BANP: variants seen among roughly 807,000 people sequenced by gnomAD.
The protein encoded by BANP is protein BANP.
In BANP, 11 loss-of-function variants were observed where a neutral mutation model predicts 68.1. The observed-to-expected ratio is 0.16, with a 90% CI of 0.10 to 0.27. The LOEUF (loss-of-function observed/expected upper bound fraction) is 0.27, where lower values mean the gene tolerates loss of function less well. Ranked by LOEUF, BANP falls within the 10% of genes least tolerant of loss-of-function variation. The pLI, the probability that BANP is intolerant of heterozygous loss-of-function variation, is 1.00. For synonymous variants in BANP, 329 were observed against 303.2 expected, an observed-to-expected ratio of 1.09 and a Z score of -0.88; for missense variants, 504 against 722.7, an observed-to-expected ratio of 0.70 and a Z score of 3.47.
chr16:88,056,231 T>G (rs201404945), intron 11 of BANP, among the ~76,000 whole-genome samples: 2 of 152,218 alleles, frequency 1.3e-5, no homozygotes, highest in East Asian at 3.9e-4. Context: ...CTCCAAGGAC[T>G]CTCTGCTTCT....
intron 1 of BANP, among the ~76,000 whole-genome samples, chr16:87,973,768 A>AGAAGAAAG (rs1555544111): frequency 9.5e-6 from 1 of 104,934 alleles, no homozygotes; most frequent in African/African-American, 3.1e-5. Flanking sequence ...AAAAAAAAAA[A>AGAAGAAAG]AAAAAAGAAA....
At position 88,065,299 on chromosome 16, in the gene BANP, G is replaced by A. The variant is rs764593453; in HGVS notation, c.1344G>A (p.Leu448=). 1 of 769,124 alleles carries A rather than the reference G, an allele frequency of 1.3e-6. No homozygotes were observed. Among genetic ancestry groups the A allele is most frequent in the East Asian group, 2.4e-5 (1 of 41,146 alleles). 47.6% of individuals were successfully genotyped at this position (769,124 alleles called of 1,614,324 possible). A position where few individuals can be genotyped will look rare whatever the true frequency, so the allele number is the denominator to read the frequency against. Residue 448 remains leucine (L), a synonymous_variant, in exon 12 of 14, where the codon CTG becomes CTA. Transcript: ENST00000682872. ...LLEATRIPCL[L]APSVFKASSG... ...AGGCCACCCGCATCCCCTGCCTCCTGGCCCCATCCGTCTTCAAAGCCAGCA... is the reference window on the plus strand; with the variant it reads ...AGGCCACCCGCATCCCCTGCCTCCTAGCCCCATCCGTCTTCAAAGCCAGCA...
chr16:88,003,141 C>G lies in BANP; in HGVS notation c.363-1154C>G, dbSNP rs939172886. Among the ~76,000 whole-genome samples, 6 of 152,328 alleles carry G rather than the reference C, an allele frequency of 3.9e-5. No individual in the cohort carries two copies. Among genetic ancestry groups the G allele is most frequent in the African/African-American group, 1.4e-4 (6 of 41,572 alleles). On this transcript the variant is annotated intron_variant, in intron 4 of 13. Transcript: ENST00000682872. This position sits in a 1 kb window ranked among gnomAD's most constrained non-coding sequence, Gnocchi z 6.1. Reference sequence around the variant, plus strand: ...ACCTGGGTTACTTTCCATACCTGACCTATAGGTCATTTGTCAGGTTTTGCT... The same window carrying G: ...ACCTGGGTTACTTTCCATACCTGACGTATAGGTCATTTGTCAGGTTTTGCT...
chr16:88,032,192 T>C (rs1301423350), intron 8 of BANP, among the ~76,000 whole-genome samples: 4 of 152,046 alleles, frequency 2.6e-5, no homozygotes, highest in Non-Finnish European at 5.9e-5. Flanking sequence ...CAGAATTTCA[T>C]CTTACTGCTT....
intron 2 of BANP, among the ~76,000 whole-genome samples, chr16:87,979,750 G>T (rs574854949): frequency 6.6e-6 from 1 of 152,154 alleles, no homozygotes; most frequent in African/African-American, 2.4e-5. Context: ...ATGTATGCAC[G>T]TATATAATAT....
At chr16:87,979,394 T>C (rs2062831431) in intron 2 of BANP, among the ~76,000 whole-genome samples, 1 of 152,164 alleles carries the variant, frequency 6.6e-6, no homozygotes, top group African/African-American at 2.4e-5. Context: ...GGGTGGGTGC[T>C]GTGACCTTGT....
intron 4 of BANP, among the ~76,000 whole-genome samples, chr16:87,994,466 A>G (rs1449905257): frequency 2.0e-5 from 3 of 152,196 alleles, no homozygotes; most frequent in Admixed American, 6.5e-5. Flanking sequence ...TTTGTTTAGC[A>G]ACGAGGTTTT....
At position 88,002,592 on chromosome 16, in the gene BANP, G is replaced by A. The variant is rs1009412796; in HGVS notation, c.363-1703G>A. 1.3e-5 allele frequency among the ~76,000 whole-genome samples: 2 copies of A among 152,158 alleles called. No individual in the cohort carries two copies. The highest frequency in any genetic ancestry group is 2.9e-5 in the Non-Finnish European group (2 of 68,032). On this transcript the variant is annotated intron_variant, in intron 4 of 13. Coordinates refer to ENST00000682872, the MANE Select transcript of BANP (RefSeq NM_001386991.1). This position sits in a 1 kb window ranked among gnomAD's most constrained non-coding sequence, Gnocchi z 4.6. ...TGGAAGGTGGGGATCTGGAGACTGC[G>A]TTGCTGAGAGCTGTTTGCATCCATG...
At chr16:87,996,959 C>T (rs1367367471) in intron 4 of BANP, among the ~76,000 whole-genome samples, 1 of 152,168 alleles carries the variant, frequency 6.6e-6, no homozygotes, top group Admixed American at 6.5e-5. Flanking sequence ...TTCACATGTG[C>T]TCCATTTTGT....
intron 7 of BANP, among the ~76,000 whole-genome samples, chr16:88,022,877 C>T (rs1477852631): frequency 1.3e-5 from 2 of 152,206 alleles, no homozygotes; most frequent in East Asian, 1.9e-4. Flanking sequence ...GCTCCCTCTC[C>T]TGCAGGATGA....
intron 2 of BANP, among the ~76,000 whole-genome samples, chr16:87,977,094 C>G (rs1478359547): frequency 1.3e-5 from 2 of 152,030 alleles, no homozygotes; most frequent in African/African-American, 4.8e-5. Context: ...TGCCTAAGAA[C>G]TGCGATTTCT....
intron 1 of BANP, among the ~76,000 whole-genome samples, chr16:87,958,765 C>G (rs2058578695): frequency 6.6e-6 from 1 of 152,190 alleles, no homozygotes; most frequent in Non-Finnish European, 1.5e-5. Context: ...TGTGATTGAA[C>G]ATGTGGCTTC....
Position 88,037,959 on chromosome 16 carries a change from C to G in BANP, c.1273-14C>G, listed in dbSNP as rs2079785790. 1 of 1,613,548 alleles carries G rather than the reference C, an allele frequency of 6.2e-7. No homozygotes were observed. The highest frequency in any genetic ancestry group is 8.5e-7 in the Non-Finnish European group (1 of 1,179,532). On this transcript the variant is annotated splice_polypyrimidine_tract_variant and intron_variant, in intron 10 of 13. Coordinates refer to ENST00000682872, the MANE Select transcript of BANP (RefSeq NM_001386991.1). ...TTTCTACTCATGACCGTCTCCTCCT[C>G]TCGTTCTTTGTAGGGCAACCTCCAG...
At chr16:88,035,695 G>T (rs1046185933) in intron 10 of BANP, among the ~76,000 whole-genome samples, 11 of 152,194 alleles carry the variant, frequency 7.2e-5, no homozygotes, top group African/African-American at 1.2e-4. Flanking sequence ...TCCCTGTCTG[G>T]CCCTGCCCTT....
At chr16:87,978,961 T>A (rs1383778111) in intron 2 of BANP, among the ~76,000 whole-genome samples, 1 of 152,136 alleles carries the variant, frequency 6.6e-6, no homozygotes, top group Non-Finnish European at 1.5e-5. Context: ...ACAAAAACAA[T>A]GTCAAAGATA....
intron 1 of BANP, among the ~76,000 whole-genome samples, chr16:87,954,761 A>C (rs1404660229): frequency 5.3e-5 from 8 of 152,202 alleles, no homozygotes; most frequent in Non-Finnish European, 8.8e-5. Context: ...TGCATCTGTC[A>C]GGAGTGTGTT....
At chr16:87,949,492 A>G (rs2056614800), upstream of BANP, 2 of 152,176 alleles carry the variant, frequency 1.3e-5, no homozygotes, top group African/African-American at 4.8e-5. Flanking sequence ...AGTGGACTCC[A>G]CACTCTAAGC....
rs554543136 is a variant in BANP at position 88,050,295 on chromosome 16, C to T, written c.1311+12284C>T. On this transcript the variant is annotated intron_variant, in intron 11 of 13. Coordinates refer to ENST00000682872, the MANE Select transcript of BANP (RefSeq NM_001386991.1). ...CCTCAGCCTCCCCGGTGGCTGGGAC[C>T]ACAGCTCGGGCTACCACACCCAGTT... 3.2e-4 allele frequency among the ~76,000 whole-genome samples: 49 copies of T among 151,780 alleles called. 1 individual carries two copies. Among genetic ancestry groups the T allele is most frequent in the Admixed American group, 3.0e-3 (46 of 15,256 alleles).
At chr16:88,055,600 A>G (rs545829213) in intron 11 of BANP, among the ~76,000 whole-genome samples, 1 of 152,338 alleles carries the variant, frequency 6.6e-6, no homozygotes, top group Admixed American at 6.5e-5. Context: ...GAAATGTCCA[A>G]CATTTTACGT....
Sources: allele counts gnomAD v4.1 joint callset (sites outside exome capture counted in the v4.1 genomes callset), GRCh38; gene constraint gnomAD v4.1.1; non-coding constraint Gnocchi (gnomAD v3.1); transcripts MANE v1.5; gene names NCBI Gene and HGNC (gene_info 2026-07-23, HGNC 2026-07-21).